The following HERC2 variants were observed in gnomAD, a reference collection of about 807,000 sequenced individuals.
HERC2 encodes HECT and RLD domain containing E3 ubiquitin protein ligase 2, also known as E3 ubiquitin-protein ligase HERC2.
HERC2 carries 102 observed loss-of-function variants against 537.7 expected under a neutral mutation model. That is an observed-to-expected ratio of 0.19 (90% CI 0.16 to 0.22). The LOEUF (loss-of-function observed/expected upper bound fraction) is 0.22, where lower values mean the gene tolerates loss of function less well. Ranked by LOEUF, HERC2 falls within the 10% of genes least tolerant of loss-of-function variation. The pLI is 1.00. For missense variants in HERC2, 4,236 were observed against 6,198.2 expected, an observed-to-expected ratio of 0.68 and a Z score of 10.63; for synonymous variants, 2,224 against 2,466.2, an observed-to-expected ratio of 0.90 and a Z score of 2.91.
At chr15:28,278,065 G>A (rs748494736) in intron 5 of HERC2, among the ~76,000 whole-genome samples, 9 of 151,320 alleles carry the variant, frequency 5.9e-5, no homozygotes, top group African/African-American at 1.9e-4. Context: ...AGACCAGCCC[G>A]GGCAACATGG....
chr15:28,284,145 G>A (rs573915643), intron 4 of HERC2, among the ~76,000 whole-genome samples: 2 of 152,082 alleles, frequency 1.3e-5, no homozygotes, highest in Non-Finnish European at 2.9e-5. Flanking sequence ...GTGCCAAAAA[G>A]TTTCAAATTT....
At position 28,202,173 on chromosome 15, in the gene HERC2, C is replaced by T. The variant is rs770278513; in HGVS notation, c.7557G>A (p.Val2519=). The stretch of plus-strand genomic sequence containing the variant: ...CCTCCTCGTCAGAATACTCGTCGGA[C>T]ACCGTGTCTGCATCTGAGAGCTCCG... ...QVTELSDADT[V]SDEYSDEEVV... The change falls in exon 47 of 93, where the codon GTG becomes GTA. Residue 2519 remains valine (V), a synonymous_variant. Coordinates refer to ENST00000261609, the MANE Select transcript of HERC2 (RefSeq NM_004667.6). 1 of 1,585,158 alleles carries T rather than the reference C, an allele frequency of 6.3e-7. No individual in the cohort carries two copies. Among genetic ancestry groups the T allele is most frequent in the Non-Finnish European group, 8.7e-7 (1 of 1,155,126 alleles).
At chr15:28,125,331 T>C in intron 83 of HERC2, 138 bp from the exon 84 acceptor site, 3 of 706,290 alleles carry the variant, frequency 4.2e-6, no homozygotes, top group Non-Finnish European at 7.6e-6. Flanking sequence ...ACTTTACATA[T>C]GACCTAGACA....
In HERC2 at chr15:28,215,715, A is replaced by G. The variant is rs752008067; in HGVS notation, c.6116T>C (p.Val2039Ala). ...CTGCGGGGAGCTGAGGGCGCCGCAT[A>G]CCTGCGGCGTGAGAGCGATGCTCCG... ...FVRSIALTPQVCGALSSPQWI... is the reference protein window; with the variant it reads ...FVRSIALTPQACGALSSPQWI... Residue 2039 changes from valine to alanine, a missense_variant, in exon 39 of 93, where the codon GTA becomes GCA. By Grantham distance (64) the Val-to-Ala change is moderately conservative (BLOSUM62 0). Around this residue, in one of 27 missense-constraint regions of HERC2, gnomAD observed 365 missense variants for 468.8 expected, o/e 0.78. Coordinates refer to ENST00000261609, the MANE Select transcript of HERC2 (RefSeq NM_004667.6). 3.8e-5 allele frequency: 61 copies of G among 1,611,590 alleles called. No homozygotes were observed. The highest frequency in any genetic ancestry group is 4.7e-5 in the Non-Finnish European group (55 of 1,179,586).
chr15:28,256,194 T>C lies in HERC2; in HGVS notation c.2641A>G (p.Thr881Ala), dbSNP rs754346660. The C allele has an allele frequency of 6.2e-7, 1 of 1,601,166 alleles. No individual in the cohort carries two copies. Among genetic ancestry groups the C allele is most frequent in the East Asian group, 2.2e-5 (1 of 44,864 alleles). ...ACGGCCTGGGCGGCCGACTGCACGG[T>C]GCTCAGCACGCCCGCACTGCTGGCC... ...TLASSAGVLS[T>A]VQSAAQAVLQ... The change falls in exon 18 of 93, where the codon ACC becomes GCC. Residue 881 changes from threonine (T) to alanine (A), a missense_variant. Thr to Ala is a moderately conservative substitution (Grantham distance 58). Coordinates refer to ENST00000261609, the MANE Select transcript of HERC2 (RefSeq NM_004667.6).
In HERC2 at chr15:28,256,459, TA is replaced by T. The variant is rs2075264553; in HGVS notation, c.2518-143del. The stretch of plus-strand genomic sequence containing the variant: ...GTTTATGTATTTTTAAAAACTGGAC[TA>T]AAAAAACTCTTACCCACAATAGTTG... On this transcript the variant is annotated intron_variant, in intron 17 of 92. Transcript: ENST00000261609. The T allele has an allele frequency of 5.9e-5, 41 of 694,536 alleles. No individual in the cohort carries two copies. In the South Asian group the frequency reaches 7.4e-4, roughly 13 times the overall value. The allele number at this position is 694,536 out of a possible 1,614,324, so 43.0% of individuals were successfully genotyped here.
intron 35 of HERC2, among the ~76,000 whole-genome samples, chr15:28,226,249 A>G (rs1243884362): frequency 1.3e-5 from 2 of 152,174 alleles, no homozygotes; most frequent in Non-Finnish European, 2.9e-5. Context: ...AAAAATCCCA[A>G]TGGTCTTTTT....
In HERC2 at chr15:28,177,155, C is replaced by T. The variant is rs775351144; in HGVS notation, c.9255-28G>A. The T allele has an allele frequency of 5.6e-6, 9 of 1,595,486 alleles. No homozygotes were observed. Among genetic ancestry groups the T allele is most frequent in the South Asian group, 3.4e-5 (3 of 89,426 alleles). ...ACAACAAGATGAAATCAGCTCTCTA[C>T]AGTCAATCTGTCCCTTCTTAGAGAT... On this transcript the variant is annotated intron_variant, in intron 60 of 92. Coordinates refer to ENST00000261609, the MANE Select transcript of HERC2 (RefSeq NM_004667.6). The surrounding 1 kb of genome is among the most constrained non-coding windows in gnomAD (Gnocchi z 5.0).
intron 71 of HERC2, among the ~76,000 whole-genome samples, chr15:28,145,136 C>T (rs1396305270): frequency 6.6e-6 from 1 of 152,230 alleles, no homozygotes; most frequent in Non-Finnish European, 1.5e-5. Context: ...AGGTGTCCAG[C>T]ACACACCAGG....
chr15:28,316,727 T>G (rs2077096599), intron 2 of HERC2, among the ~76,000 whole-genome samples: 1 of 152,224 alleles, frequency 6.6e-6, no homozygotes, highest in Non-Finnish European at 1.5e-5. Context: ...CCTGAAAGCC[T>G]GAGAACAGAA....
intron 10 of HERC2, 56 bp downstream of exon 10, chr15:28,270,639 C>G: frequency 6.5e-7 from 1 of 1,546,196 alleles, no homozygotes; most frequent in Non-Finnish European, 8.8e-7. Flanking sequence ...AGGATGAGAA[C>G]CTACAAGTGG....
At chr15:28,299,054 ATAATGATAGTC>A (rs888511387) in intron 3 of HERC2, among the ~76,000 whole-genome samples, 2 of 152,210 alleles carry the variant, frequency 1.3e-5, no homozygotes, top group African/African-American at 4.8e-5. Context: ...TATGAACAAC[ATAATGATAGTC>A]TTACTGAGCA....
chr15:28,175,548 C>T lies in HERC2; in HGVS notation c.9795G>A (p.Gly3265=), dbSNP rs1895196826. The change falls in exon 64 of 93, where the codon GGG becomes GGA. Residue 3265 remains glycine, a synonymous_variant. Transcript: ENST00000261609. ...CCGTGACCGCCAGGCAGTGCAGGGC[C>T]CCGACAGCCACATGCACGATCTTCT... ...RGKKIVHVAV[G]ALHCLAVTDS... 1.2e-6 allele frequency: 2 copies of T among 1,613,612 alleles called. No individual in the cohort carries two copies. Among genetic ancestry groups the T allele is most frequent in the Admixed American group, 3.3e-5 (2 of 59,952 alleles).
chr15:28,151,578 C>A (rs577039760), intron 70 of HERC2, among the ~76,000 whole-genome samples: 5 of 152,136 alleles, frequency 3.3e-5, no homozygotes, highest in Admixed American at 2.0e-4. Flanking sequence ...TGAAGAGTGG[C>A]AACCTACAAA....
chr15:28,255,438 A>G (rs183785353), intron 19 of HERC2, among the ~76,000 whole-genome samples: 1 of 151,806 alleles, frequency 6.6e-6, no homozygotes, highest in Non-Finnish European at 1.5e-5. Context: ...ATAATAAAAA[A>G]GAAGTCACAA....
intron 83 of HERC2, among the ~76,000 whole-genome samples, chr15:28,129,126 T>C (rs1261079662): frequency 1.3e-5 from 2 of 152,148 alleles, no homozygotes; most frequent in Non-Finnish European, 2.9e-5. Context: ...CTTTTGCCAT[T>C]GTGTTGGGGT....
At position 28,177,204 on chromosome 15, in the gene HERC2, G is replaced by T; in HGVS notation, c.9255-77C>A. On this transcript the variant is annotated intron_variant, in intron 60 of 92. Coordinates refer to ENST00000261609, the MANE Select transcript of HERC2 (RefSeq NM_004667.6). The surrounding 1 kb of genome is among the most constrained non-coding windows in gnomAD (Gnocchi z 5.0). Reference sequence around the variant, plus strand: ...ATGAAGGAAAAAAGACATCTATACTGATCCACATGTAGTCAACACAGGATC... The same window carrying T: ...ATGAAGGAAAAAAGACATCTATACTTATCCACATGTAGTCAACACAGGATC... The T allele has an allele frequency of 7.1e-7, 1 of 1,413,892 alleles. No homozygotes were observed. Among genetic ancestry groups the T allele is most frequent in the Non-Finnish European group, 9.7e-7 (1 of 1,029,460 alleles). The allele number at this position is 1,413,892 out of a possible 1,614,324, so 87.6% of individuals were successfully genotyped here.
intron 78 of HERC2, among the ~76,000 whole-genome samples, chr15:28,137,721 C>T (rs1042310994): frequency 1.1e-4 from 16 of 152,156 alleles, no homozygotes; most frequent in Admixed American, 6.5e-4. Flanking sequence ...TGAGACACAA[C>T]TTATTGAAAT....
In HERC2 at chr15:28,150,970, A is replaced by G. The variant is rs576350942; in HGVS notation, c.10900+1707T>C. Among the ~76,000 whole-genome samples, 533 of 152,336 alleles carry G rather than the reference A, an allele frequency of 3.5e-3. 2 individuals are homozygous for G. The highest frequency in any genetic ancestry group is 5.2e-3 in the Non-Finnish European group (356 of 68,034). ...TTCACTAGAGTCCACTTCAGACCCC[A>G]CGAGGACCAGTCAGTAAAACTAAGA... On this transcript the variant is annotated intron_variant, in intron 70 of 92. Transcript: ENST00000261609.
Sources: allele counts gnomAD v4.1 joint callset (sites outside exome capture counted in the v4.1 genomes callset), GRCh38; gene constraint gnomAD v4.1.1; regional missense constraint gnomAD v4.1.1; non-coding constraint Gnocchi (gnomAD v3.1); transcripts MANE v1.5; gene names NCBI Gene and HGNC (gene_info 2026-07-23, HGNC 2026-07-21).